BCAR3: variants seen among roughly 807,000 people sequenced by gnomAD.
The protein encoded by BCAR3 is breast cancer anti-estrogen resistance protein 3.
In BCAR3, 37 loss-of-function variants were observed where a neutral mutation model predicts 80.1. The observed-to-expected ratio is 0.46, with a 90% CI of 0.36 to 0.61. The LOEUF is 0.61. Ranked by LOEUF, BCAR3 falls within the 20% of genes least tolerant of loss-of-function variation. The pLI, the probability that BCAR3 is intolerant of heterozygous loss-of-function variation, is 0.00. For synonymous variants in BCAR3, 389 were observed against 418.9 expected (o/e 0.93, Z 0.87); for missense variants, 978 against 1,068.2 (o/e 0.92, Z 1.18).
intron 3 of BCAR3, chr1:93,605,571 C>T (rs1039863791): frequency 6.6e-6 from 1 of 152,176 alleles, no homozygotes; most frequent in Non-Finnish European, 1.5e-5. Context: ...GTTTGAAAAC[C>T]GGCTGATCAG....
intron 2 of BCAR3, among the ~76,000 whole-genome samples, chr1:93,730,512 ACT>A (rs561889838): frequency 2.6e-5 from 4 of 152,054 alleles, no homozygotes; most frequent in Middle Eastern, 3.2e-3. Context: ...TTTTTGAATG[ACT>A]CTGTGATTTT....
intron 3 of BCAR3, among the ~76,000 whole-genome samples, chr1:93,626,167 G>C (rs1425237710): frequency 6.6e-6 from 1 of 152,120 alleles, no homozygotes; most frequent in African/African-American, 2.4e-5. Context: ...CCACTGCAAG[G>C]AACAGGCCCA....
intron 2 of BCAR3, among the ~76,000 whole-genome samples, chr1:93,799,208 C>G (rs978370181): frequency 6.6e-6 from 1 of 152,048 alleles, no homozygotes; most frequent in Non-Finnish European, 1.5e-5. Context: ...TCTATATTTT[C>G]CCCCGTGTTT....
intron 3 of BCAR3, among the ~76,000 whole-genome samples, chr1:93,694,251 C>T (rs567087832): frequency 8.7e-4 from 133 of 152,342 alleles, no homozygotes; most frequent in Non-Finnish European, 1.6e-3. Flanking sequence ...TGGCTGGCAA[C>T]TCCACTTCCA....
At chr1:93,806,943 T>C (rs1461048654) in intron 2 of BCAR3, among the ~76,000 whole-genome samples, 1 of 152,072 alleles carries the variant, frequency 6.6e-6, no homozygotes, top group Non-Finnish European at 1.5e-5. Context: ...GGCAAACCCC[T>C]GTCTCTACAA....
intron 3 of BCAR3, among the ~76,000 whole-genome samples, chr1:93,604,959 A>G (rs1674732419): frequency 6.6e-6 from 1 of 152,136 alleles, no homozygotes; most frequent in Non-Finnish European, 1.5e-5. Flanking sequence ...CCCCTTGATA[A>G]ACATCATTTA....
At chr1:93,715,560 C>A (rs1347415495) in intron 2 of BCAR3, among the ~76,000 whole-genome samples, 1 of 152,200 alleles carries the variant, frequency 6.6e-6, no homozygotes, top group Non-Finnish European at 1.5e-5. Context: ...CACCAGCCTG[C>A]CTCTTAGGGT....
rs145361965 is a variant in BCAR3, at chr1:93,676,063, C to T, written c.-11-1122G>A. Among the ~76,000 whole-genome samples the T allele has an allele frequency of 6.1e-3, 932 of 152,114 alleles. 5 individuals carry two copies. The highest frequency in any genetic ancestry group is 0.01 in the Middle Eastern group (3 of 294). On this transcript the variant is annotated intron_variant, in intron 1 of 11. Transcript: ENST00000260502. ...CAAGCCCAACATACAGCCCTTCCCACGGGCTGGTGAGGAGAGCTGCCCCTT... is the reference window on the plus strand; with the variant it reads ...CAAGCCCAACATACAGCCCTTCCCATGGGCTGGTGAGGAGAGCTGCCCCTT...
chr1:93,732,170 A>G (rs1163906771), intron 2 of BCAR3, among the ~76,000 whole-genome samples: 1 of 152,260 alleles, frequency 6.6e-6, no homozygotes, highest in African/African-American at 2.4e-5. Context: ...CAAAATTAGC[A>G]GGGCTAGTGT....
intron 2 of BCAR3, among the ~76,000 whole-genome samples, chr1:93,751,995 C>T (rs1651572530): frequency 6.6e-6 from 1 of 152,250 alleles, no homozygotes; most frequent in Non-Finnish European, 1.5e-5. Flanking sequence ...CATCTCTTTG[C>T]TGTGCACTTG....
chr1:93,600,598 CAAG>C (rs2101865405), intron 3 of BCAR3: 1 of 152,332 alleles, frequency 6.6e-6, no homozygotes. Flanking sequence ...CTTCATAAGT[CAAG>C]TAATGCCTTT....
At chr1:93,787,872 G>A (rs572871686) in intron 2 of BCAR3, among the ~76,000 whole-genome samples, 22 of 152,212 alleles carry the variant, frequency 1.4e-4, no homozygotes, top group African/African-American at 5.1e-4. Flanking sequence ...CTTTGTTGAC[G>A]CTCTGTCTTA....
At chr1:93,623,787 A>G (rs543176841) in intron 3 of BCAR3, among the ~76,000 whole-genome samples, 1 of 152,320 alleles carries the variant, frequency 6.6e-6, no homozygotes, top group East Asian at 1.9e-4. Context: ...TGGAGATGTA[A>G]CATACTGTGT....
At chr1:93,645,255 C>T (rs1371949827) in intron 2 of BCAR3, among the ~76,000 whole-genome samples, 2 of 151,636 alleles carry the variant, frequency 1.3e-5, no homozygotes, top group Non-Finnish European at 2.9e-5. Flanking sequence ...TAGGCCAGAG[C>T]TCAGTTCCTC....
At chr1:93,598,249 G>C (rs1054455151) in intron 3 of BCAR3, among the ~76,000 whole-genome samples, 1 of 152,186 alleles carries the variant, frequency 6.6e-6, no homozygotes, top group African/African-American at 2.4e-5. Context: ...TTCTGAAGAC[G>C]GGACGGGGAG....
intron 2 of BCAR3, among the ~76,000 whole-genome samples, chr1:93,767,505 CAG>C (rs1490060750): frequency 6.8e-6 from 1 of 146,196 alleles, no homozygotes; most frequent in African/African-American, 2.5e-5. Flanking sequence ...GCCTGTGTAA[CAG>C]AGTGAGACTC....
Position 93,582,397 on chromosome 1 carries a change from C to T in BCAR3, c.1590G>A (p.Lys530=). The T allele has an allele frequency of 6.2e-7, 1 of 1,614,158 alleles. No individual in the cohort carries two copies. Among genetic ancestry groups the T allele is most frequent in the Admixed American group, 1.7e-5 (1 of 60,020 alleles). The change falls in exon 7 of 12, where the codon AAG becomes AAA. Residue 530 remains lysine, a synonymous_variant. Coordinates refer to ENST00000260502, the MANE Select transcript of BCAR3 (RefSeq NM_003567.4). ...GTTTCAACATTGCTGTTTCCAGGGGCTTATTCTCAGGGGGAAGGAACTTTG... is the reference window on the plus strand; with the variant it reads ...GTTTCAACATTGCTGTTTCCAGGGGTTTATTCTCAGGGGGAAGGAACTTTG... ...FESKFLPPEN[K]PLETAMLKRA...
chr1:93,766,324 T>C (rs1346704005), intron 2 of BCAR3, among the ~76,000 whole-genome samples: 9 of 152,198 alleles, frequency 5.9e-5, no homozygotes, highest in Non-Finnish European at 1.3e-4. Flanking sequence ...TTGGGACAAA[T>C]GCATTAGGTA....
intron 2 of BCAR3, among the ~76,000 whole-genome samples, chr1:93,780,536 A>G (rs1167123588): frequency 6.6e-6 from 1 of 151,740 alleles, no homozygotes; most frequent in Non-Finnish European, 1.5e-5. Flanking sequence ...TGGAAAAGAA[A>G]ATGGAGATGG....
Sources: allele counts gnomAD v4.1 joint callset (sites outside exome capture counted in the v4.1 genomes callset), GRCh38; gene constraint gnomAD v4.1.1; transcripts MANE v1.5; gene names NCBI Gene and HGNC (gene_info 2026-07-23, HGNC 2026-07-21).